The following ROBO1 variants were observed in gnomAD, a reference collection of about 807,000 sequenced individuals.
The protein encoded by ROBO1 is roundabout homolog 1.
ROBO1 carries 149 observed loss-of-function variants against 195.9 expected under a neutral mutation model. The ratio of observed to expected loss-of-function variants is 0.76; its 90% confidence interval spans 0.67 to 0.87. The LOEUF (loss-of-function observed/expected upper bound fraction) is 0.87, where lower values mean the gene tolerates loss of function less well. Ranked by LOEUF, ROBO1 falls within the 40% of genes least tolerant of loss-of-function variation. ROBO1 has a pLI of 0.00. For synonymous variants in ROBO1, 816 were observed against 733.2 expected (o/e 1.11, Z -1.82); for missense variants, 1,933 against 2,068.3 (o/e 0.93, Z 1.27).
intron 10 of ROBO1, among the ~76,000 whole-genome samples, chr3:78,673,358 T>C (rs1414713908): frequency 1.3e-5 from 2 of 150,208 alleles, no homozygotes; most frequent in Admixed American, 1.3e-4. Context: ...GTAGTGATGG[T>C]ATAAGCAGTG....
rs1323245697 is a variant in ROBO1 at position 79,594,040 on chromosome 3, AG to A, written c.-50-4080del. Reference sequence around the variant, plus strand: ...TTTCTCTTGATAGTGTCTTTCACAGAGTAGAAATTTTCAATTTTAATGAAGT... The same window carrying A: ...TTTCTCTTGATAGTGTCTTTCACAGATAGAAATTTTCAATTTTAATGAAGT... On this transcript the variant is annotated intron_variant, in intron 1 of 30. Coordinates refer to ENST00000464233, the MANE Select transcript of ROBO1 (RefSeq NM_002941.4). 5.3e-5 allele frequency among the ~76,000 whole-genome samples: 8 copies of A among 152,136 alleles called. 1 individual carries two copies. Among genetic ancestry groups the A allele is most frequent in the African/African-American group, 1.9e-4 (8 of 41,548 alleles).
intron 2 of ROBO1, among the ~76,000 whole-genome samples, chr3:79,240,881 G>A (rs1267238720): frequency 1.3e-5 from 2 of 151,974 alleles, no homozygotes; most frequent in Non-Finnish European, 2.9e-5. Flanking sequence ...GGGTTCAAGT[G>A]AACCTCCTAC....
intron 1 of ROBO1, among the ~76,000 whole-genome samples, chr3:79,644,466 A>G (rs573311073): frequency 4.6e-4 from 70 of 152,306 alleles, no homozygotes; most frequent in African/African-American, 1.6e-3. Context: ...ATGATGGCAG[A>G]AGGCAAAAAG....
Position 79,623,135 on chromosome 3 carries a change from T to TCAACAA in ROBO1, c.-50-33180_-50-33175dup, listed in dbSNP as rs34450942. Among the ~76,000 whole-genome samples, 253 of 150,934 alleles carry TCAACAA rather than the reference T, an allele frequency of 1.7e-3. 2 individuals carry two copies. The South Asian group carries it at 0.017, about 10-fold the overall frequency. ...CCTACAGAAAGCAGTAACAATGGCA[T>TCAACAA]CAACAACAACAACAACAACAACAAC... On this transcript the variant is annotated intron_variant, in intron 1 of 30. Coordinates refer to ENST00000464233, the MANE Select transcript of ROBO1 (RefSeq NM_002941.4).
At chr3:79,168,605 C>T (rs930190871) in intron 2 of ROBO1, among the ~76,000 whole-genome samples, 6 of 152,130 alleles carry the variant, frequency 3.9e-5, no homozygotes, top group Non-Finnish European at 8.8e-5. Flanking sequence ...GTAGAAGTCT[C>T]TCTCTAATGT....
At chr3:79,310,430 T>C (rs1325066210) in intron 2 of ROBO1, among the ~76,000 whole-genome samples, 2 of 152,206 alleles carry the variant, frequency 1.3e-5, no homozygotes, top group African/African-American at 2.4e-5. Context: ...GGCAGTTGAA[T>C]AAAGCTGAGA....
chr3:79,241,562 C>T (rs373293192), intron 2 of ROBO1, among the ~76,000 whole-genome samples: 6 of 151,878 alleles, frequency 4.0e-5, no homozygotes, highest in East Asian at 3.9e-4. Flanking sequence ...TTCTCATGAG[C>T]TGTTAGCTAT....
intron 4 of ROBO1, among the ~76,000 whole-genome samples, chr3:78,841,917 A>T (rs1287293338): frequency 6.6e-6 from 1 of 152,070 alleles, no homozygotes; most frequent in Non-Finnish European, 1.5e-5. Context: ...TTTTAATCAT[A>T]TCCAATTCAA....
chr3:79,717,643 A>T (rs1702542571), intron 1 of ROBO1, among the ~76,000 whole-genome samples: 1 of 152,014 alleles, frequency 6.6e-6, no homozygotes. Context: ...TTGCAAAGTT[A>T]TTATCTGTAC....
At chr3:79,276,022 T>C (rs1382521906) in intron 2 of ROBO1, among the ~76,000 whole-genome samples, 1 of 151,972 alleles carries the variant, frequency 6.6e-6, no homozygotes, top group Non-Finnish European at 1.5e-5. Flanking sequence ...ACTAAAAGAA[T>C]GGATACTGTT....
At chr3:79,699,944 C>T (rs960044809) in intron 1 of ROBO1, among the ~76,000 whole-genome samples, 1 of 151,620 alleles carries the variant, frequency 6.6e-6, no homozygotes, top group African/African-American at 2.4e-5. Context: ...CACCCAGGTA[C>T]TGAGCATAGT....
chr3:78,973,375 C>T (rs1037172152), intron 3 of ROBO1, among the ~76,000 whole-genome samples: 2 of 148,824 alleles, frequency 1.3e-5, no homozygotes, highest in Admixed American at 1.4e-4. Context: ...ATCTTCTTAT[C>T]TATGACTAAT....
intron 2 of ROBO1, among the ~76,000 whole-genome samples, chr3:79,414,386 A>C (rs2037911898): frequency 6.6e-6 from 1 of 152,056 alleles, no homozygotes; most frequent in Admixed American, 6.6e-5. Context: ...AGTTTGTTGA[A>C]CTGTGGTAAA....
At chr3:78,903,178 A>G (rs2107485745) in intron 4 of ROBO1, among the ~76,000 whole-genome samples, 1 of 152,282 alleles carries the variant, frequency 6.6e-6, no homozygotes, top group South Asian at 2.1e-4. Context: ...AATGTTTGGC[A>G]GTTTTTATTA....
At position 78,661,239 on chromosome 3, in the gene ROBO1, A is replaced by G; in HGVS notation, c.2111T>C (p.Ile704Thr). Residue 704 changes from isoleucine to threonine, a missense_variant, in exon 16 of 31, where the codon ATA becomes ACA. By Grantham distance (89) the Ile-to-Thr change is moderately conservative. Transcript: ENST00000464233. ...CCGATAGAGAATTTTATATCCTTGT[A>G]TATACTGAGACTGTTGATCTACCTA... The part of the protein sequence containing the change: ...HWTVDQQSQY[I>T]QGYKILYRPS... The G allele has an allele frequency of 6.3e-7, 1 of 1,599,600 alleles. No homozygotes were observed. Among genetic ancestry groups the G allele is most frequent in the Non-Finnish European group, 8.5e-7 (1 of 1,171,044 alleles).
chr3:78,629,657 C>CAACCA (rs59055817), intron 25 of ROBO1, among the ~76,000 whole-genome samples: 47,621 of 150,230 alleles, frequency 0.32, 8,052 homozygotes, highest in African/African-American at 0.43. Flanking sequence ...AAAACCAAAC[C>CAACCA]AACCAAACCA....
At chr3:79,381,862 C>A (rs2109377167) in intron 2 of ROBO1, among the ~76,000 whole-genome samples, 1 of 152,230 alleles carries the variant, frequency 6.6e-6, no homozygotes, top group African/African-American at 2.4e-5. Context: ...TTTTGTACGT[C>A]TTTTCAAATT....
At chr3:78,669,631 C>T (rs752185506) in intron 11 of ROBO1, among the ~76,000 whole-genome samples, 2 of 152,166 alleles carry the variant, frequency 1.3e-5, no homozygotes, top group African/African-American at 4.8e-5. Context: ...ATTGTACACT[C>T]GGTGTGTACA....
intron 28 of ROBO1, among the ~76,000 whole-genome samples, chr3:78,612,824 T>C (rs903905433): frequency 3.9e-5 from 6 of 152,218 alleles, no homozygotes; most frequent in Non-Finnish European, 5.9e-5. Context: ...GTATACACTA[T>C]CATAATTTTG....
Sources: gnomAD v4.1 joint callset for allele counts (sites outside exome capture counted in the v4.1 genomes callset) on GRCh38, gnomAD v4.1.1 for gene constraint, MANE v1.5 for transcripts, NCBI Gene and HGNC (gene_info 2026-07-23, HGNC 2026-07-21) for gene names.